The following GAA variants were observed in gnomAD, a reference collection of about 807,000 sequenced individuals.
The protein encoded by GAA is alpha glucosidase.
GAA carries 88 observed loss-of-function variants against 103.9 expected under a neutral mutation model. The observed-to-expected ratio is 0.85, with a 90% confidence interval of 0.71 to 1.01. The LOEUF is 1.01. Among genes scored for constraint, GAA ranks in the 50% least tolerant of loss-of-function variants. The probability of loss-of-function intolerance (pLI) is 0.00; values close to 1 mark genes in which losing one functional copy is unlikely to be tolerated. For missense variants in GAA, 1,350 were observed against 1,305.3 expected (o/e 1.03, Z -0.53); for synonymous variants, 572 against 563.1 (o/e 1.02, Z -0.22).
At chr17:80,108,943 G>A in intron 8 of GAA, 115 bp downstream of exon 8, 1 of 1,332,436 alleles carries the variant, frequency 7.5e-7, no homozygotes, top group South Asian at 1.5e-5. Flanking sequence ...GTTTTCTGAG[G>A]GTCTTTGTGA....
chr17:80,116,574 G>A (rs1423329541), intron 15 of GAA, among the ~76,000 whole-genome samples: 2 of 152,238 alleles, frequency 1.3e-5, no homozygotes, highest in African/African-American at 4.8e-5. Flanking sequence ...CTTTGGTTGT[G>A]GGACTGGGAG....
At chr17:80,112,308 G>A (rs1439769116) in intron 12 of GAA, 1 of 650,064 alleles carries the variant, frequency 1.5e-6, no homozygotes, top group Non-Finnish European at 2.7e-6. Flanking sequence ...GGCTTGGAGA[G>A]GAAGGACCCT....
chr17:80,104,619 G>A lies in GAA; in HGVS notation c.33G>A (p.Arg11=). 2.5e-6 allele frequency: 4 copies of A among 1,612,710 alleles called. No individual in the cohort carries two copies. The highest frequency in any genetic ancestry group is 3.4e-6 in the Non-Finnish European group (4 of 1,179,908). Residue 11 remains arginine, a synonymous_variant, in exon 2 of 20, where the codon CGG becomes CGA. Transcript: ENST00000302262. The surrounding 1 kb of genome is among the most constrained non-coding windows in gnomAD (Gnocchi z 4.0). ...TGAGGCACCCGCCCTGCTCCCACCGGCTCCTGGCCGTCTGCGCCCTCGTGT... is the reference window on the plus strand; with the variant it reads ...TGAGGCACCCGCCCTGCTCCCACCGACTCCTGGCCGTCTGCGCCCTCGTGT... MGVRHPPCSH[R]LLAVCALVSL...
At chr17:80,108,071 G>C (rs1426484054) in intron 5 of GAA, among the ~76,000 whole-genome samples, 175 bp downstream of exon 5, 1 of 152,216 alleles carries the variant, frequency 6.6e-6, no homozygotes, top group Non-Finnish European at 1.5e-5. Flanking sequence ...TCCTAAGGAG[G>C]GTTCTGGGGC....
chr17:80,108,426 G>A lies in GAA; in HGVS notation c.1075+17G>A. 1 of 1,613,220 alleles carries A rather than the reference G, an allele frequency of 6.2e-7. No individual in the cohort carries two copies. The highest frequency in any genetic ancestry group is 1.1e-5 in the South Asian group (1 of 91,084). ...ACGTTGTGGGTAGGGCCTGCTCCCT[G>A]GCCGCGGCCCCCGCCCCAAGGCTCC... On this transcript the variant is annotated intron_variant, in intron 6 of 19. Transcript: ENST00000302262.
intron 9 of GAA, 29 bp from the exon 10 acceptor site, chr17:80,110,698 T>C (rs758726513): frequency 6.3e-7 from 1 of 1,590,388 alleles, no homozygotes; most frequent in Non-Finnish European, 8.6e-7. Context: ...TGGGGCCGGG[T>C]CTCCCCACTG....
chr17:80,108,278 C>T lies in GAA; in HGVS notation c.956-12C>T, dbSNP rs765190225. The stretch of plus-strand genomic sequence containing the variant: ...AATCTGTCCCCCAACCCCAGAGCTG[C>T]TTCCCTTCCAGATGTGGTCCTGCAG... On this transcript the variant is annotated splice_polypyrimidine_tract_variant and intron_variant, in intron 5 of 19. Transcript: ENST00000302262. The T allele has an allele frequency of 1.9e-6, 3 of 1,613,532 alleles. No individual in the cohort carries two copies. The highest frequency in any genetic ancestry group is 2.5e-6 in the Non-Finnish European group (3 of 1,180,020).
intron 18 of GAA, 121 bp downstream of exon 18, chr17:80,118,478 G>C (rs1440200868): frequency 2.1e-6 from 3 of 1,440,438 alleles, no homozygotes; most frequent in African/African-American, 1.4e-5. Flanking sequence ...TCTAGCAGGT[G>C]GCCTGGGGTC....
At chr17:80,107,219 G>A (rs533384700) in intron 3 of GAA, among the ~76,000 whole-genome samples, 1 of 152,326 alleles carries the variant, frequency 6.6e-6, no homozygotes, top group Non-Finnish European at 1.5e-5. Flanking sequence ...TTCAGCCCCT[G>A]CCCAGCCTTG....
chr17:80,119,411 TGC>T lies in GAA; in HGVS notation c.*82_*83del, dbSNP rs2039433807. On this transcript the variant is annotated 3_prime_UTR_variant, in exon 20 of 20. Coordinates refer to ENST00000302262, the MANE Select transcript of GAA (RefSeq NM_000152.5). ...AGCCTGTGTGCGGGCAGCAGCTGTGTGCGGGCCTGGGGGTTGCATGTGTCACC... is the reference window on the plus strand; with the variant it reads ...AGCCTGTGTGCGGGCAGCAGCTGTGTGGGCCTGGGGGTTGCATGTGTCACC... 1 of 1,261,062 alleles carries T rather than the reference TGC, an allele frequency of 7.9e-7. No individual in the cohort carries two copies. The allele number at this position is 1,261,062 out of a possible 1,614,324, so 78.1% of individuals were successfully genotyped here. A position where few individuals can be genotyped will look rare whatever the true frequency, so the allele number is the denominator to read the frequency against.
chr17:80,112,923 G>T lies in GAA; in HGVS notation c.1936G>T (p.Val646Phe). 6.2e-7 allele frequency: 1 copy of T among 1,610,842 alleles called. No individual in the cohort carries two copies. Among genetic ancestry groups the T allele is most frequent in the Non-Finnish European group, 8.5e-7 (1 of 1,178,976 alleles). The change falls in exon 14 of 20, where the codon GTC becomes TTC. Residue 646 changes from valine (V) to phenylalanine (F), a missense_variant. Coordinates refer to ENST00000302262, the MANE Select transcript of GAA (RefSeq NM_000152.5). ...LLGVPLVGADVCGFLGNTSEE... is the reference protein window; with the variant it reads ...LLGVPLVGADFCGFLGNTSEE... Reference sequence around the variant, plus strand: ...GGGGGTGCCTCTGGTCGGGGCCGACGTCTGCGGCTTCCTGGGCAACACCTC... The same window carrying T: ...GGGGGTGCCTCTGGTCGGGGCCGACTTCTGCGGCTTCCTGGGCAACACCTC...
rs886053549 is a variant in GAA at position 80,119,459 on chromosome 17, T to C, written c.*128T>C. 3 of 805,326 alleles carry C rather than the reference T, an allele frequency of 3.7e-6. No individual in the cohort carries two copies. Among genetic ancestry groups the C allele is most frequent in the Non-Finnish European group, 4.3e-6 (2 of 466,572 alleles). The allele number at this position is 805,326 out of a possible 1,614,324, so 49.9% of individuals were successfully genotyped here. On this transcript the variant is annotated 3_prime_UTR_variant, in exon 20 of 20. Coordinates refer to ENST00000302262, the MANE Select transcript of GAA (RefSeq NM_000152.5). ...TCACCTGGAGCTGGGCACTAACCAT[T>C]CCAAGCCGCCGCATCGCTTGTTTCC...
rs751873094 is a variant in GAA, at chr17:80,112,964, G to A, written c.1977G>A (p.Val659=). The A allele has an allele frequency of 1.9e-6, 3 of 1,610,370 alleles. No homozygotes were observed. The highest frequency in any genetic ancestry group is 2.5e-6 in the Non-Finnish European group (3 of 1,178,968). The change falls in exon 14 of 20, where the codon GTG becomes GTA. Residue 659 remains valine (V), a synonymous_variant. Coordinates refer to ENST00000302262, the MANE Select transcript of GAA (RefSeq NM_000152.5). ...GCAACACCTCAGAGGAGCTGTGTGT[G>A]CGCTGGACCCAGCTGGGGGCCTTCT... ...FLGNTSEELC[V]RWTQLGAFYP...
intron 17 of GAA, 113 bp downstream of exon 17, chr17:80,117,862 C>A: frequency 8.8e-7 from 1 of 1,131,036 alleles, no homozygotes; most frequent in Non-Finnish European, 1.2e-6. Context: ...GGGGCCGCCC[C>A]CCGCAGTGTA....
intron 3 of GAA, among the ~76,000 whole-genome samples, chr17:80,107,064 G>A (rs942399476): frequency 3.9e-5 from 6 of 152,132 alleles, no homozygotes; most frequent in African/African-American, 1.4e-4. Context: ...CCTGTGGACC[G>A]GGTTTATCTG....
chr17:80,111,125 GC>G, intron 11 of GAA, 100 bp downstream of exon 11: 1 of 1,120,558 alleles, frequency 8.9e-7, no homozygotes, highest in Non-Finnish European at 1.3e-6. Context: ...AAGCAGATGG[GC>G]CAGCGGGGAA....
chr17:80,113,622 A>G (rs1486717865), intron 15 of GAA, among the ~76,000 whole-genome samples: 2 of 152,230 alleles, frequency 1.3e-5, no homozygotes, highest in Admixed American at 1.3e-4. Context: ...GAGGATTCCC[A>G]GAGAGTGAGG....
Position 80,105,779 on chromosome 17 carries a change from G to T in GAA, c.577G>T (p.Val193Leu). ...IKDPANRRYE[V>L]PLETPHVHSR... The stretch of plus-strand genomic sequence containing the variant: ...AGATCCAGCTAACAGGCGCTACGAG[G>T]TGCCCTTGGAGACCCCGCATGTCCA... Residue 193 changes from valine to leucine, a missense_variant, in exon 3 of 20, where the codon GTG (valine) becomes TTG (leucine). Transcript: ENST00000302262. 6.2e-7 allele frequency: 1 copy of T among 1,612,294 alleles called. No individual in the cohort carries two copies. Among genetic ancestry groups the T allele is most frequent in the Non-Finnish European group, 8.5e-7 (1 of 1,179,970 alleles).
In GAA at chr17:80,118,282, G is replaced by T. The variant is rs17853996; in HGVS notation, c.2571G>T (p.Leu857=). 853 of 1,603,306 alleles carry T rather than the reference G, an allele frequency of 5.3e-4. 5 individuals carry two copies. In the African/African-American group the frequency reaches 0.011, roughly 20 times the overall value. Residue 857 remains leucine (L), a synonymous_variant, in exon 18 of 20, where the codon CTG becomes CTT. Coordinates refer to ENST00000302262, the MANE Select transcript of GAA (RefSeq NM_000152.5). ...LTKGGEARGE[L]FWDDGESLEV... Reference sequence around the variant, plus strand: ...AGGGTGGGGAGGCCCGAGGGGAGCTGTTCTGGGACGATGGAGAGAGCCTGG... The same window carrying T: ...AGGGTGGGGAGGCCCGAGGGGAGCTTTTCTGGGACGATGGAGAGAGCCTGG...
Sources: allele counts gnomAD v4.1 joint callset (sites outside exome capture counted in the v4.1 genomes callset), GRCh38; gene constraint gnomAD v4.1.1; non-coding constraint Gnocchi (gnomAD v3.1); transcripts MANE v1.5; gene names NCBI Gene and HGNC (gene_info 2026-07-23, HGNC 2026-07-21).